Variants in GRID1 observed in about 807,000 individuals in gnomAD.
GRID1 encodes glutamate ionotropic receptor delta type subunit 1, also known as glutamate receptor ionotropic, delta-1.
GRID1 carries 28 observed loss-of-function variants against 98.0 expected under a neutral mutation model. The ratio of observed to expected loss-of-function variants is 0.29; its 90% CI spans 0.21 to 0.39. The LOEUF (loss-of-function observed/expected upper bound fraction) is 0.39. Among genes scored for constraint, GRID1 ranks in the 10% least tolerant of loss-of-function variants. GRID1 has a pLI of 1.00. For missense variants in GRID1, 1,111 were observed against 1,340.5 expected, an observed-to-expected ratio of 0.83 and a Z score of 2.67; for synonymous variants, 553 against 538.5, an observed-to-expected ratio of 1.03 and a Z score of -0.37.
rs183993171 is a variant in GRID1 at position 85,907,380 on chromosome 10, G to A, written c.780+8806C>T. Among the ~76,000 whole-genome samples the A allele has an allele frequency of 1.1e-3, 165 of 152,300 alleles. 1 individual carries two copies. Among genetic ancestry groups the A allele is most frequent in the African/African-American group, 3.8e-3 (156 of 41,560 alleles). On this transcript the variant is annotated intron_variant, in intron 5 of 15. Transcript: ENST00000327946. Reference sequence around the variant, plus strand: ...GCCTGCCTCGGCCTCCCAAAGTGCTGGGATTACAGGGGTGAGCCACCATGC... The same window carrying A: ...GCCTGCCTCGGCCTCCCAAAGTGCTAGGATTACAGGGGTGAGCCACCATGC...
At chr10:85,722,205 T>C (rs1016784070) in intron 12 of GRID1, among the ~76,000 whole-genome samples, 5 of 152,262 alleles carry the variant, frequency 3.3e-5, no homozygotes, top group South Asian at 2.1e-4. Context: ...ACCAATATGA[T>C]GACAGTGAGT....
In GRID1 at chr10:86,028,296, G is replaced by A. The variant is rs545219588; in HGVS notation, c.726+110523C>T. On this transcript the variant is annotated intron_variant, in intron 4 of 15. Transcript: ENST00000327946. ...CTTCCATCTTTGTATGCTGTTTGGG[G>A]GCAACTCTACCCCTTTCATTCTGGG... Among the ~76,000 whole-genome samples the A allele has an allele frequency of 2.0e-5, 3 of 152,268 alleles. No homozygotes were observed. In the South Asian group the frequency reaches 6.2e-4, roughly 32 times the overall value.
chr10:86,069,067 T>A (rs1308927358), intron 4 of GRID1, among the ~76,000 whole-genome samples: 1 of 152,022 alleles, frequency 6.6e-6, no homozygotes, highest in Admixed American at 6.5e-5. Context: ...ATATGCAGAC[T>A]GCTGGGGAAG....
chr10:85,684,321 A>G (rs1405276794), intron 12 of GRID1, among the ~76,000 whole-genome samples: 1 of 152,228 alleles, frequency 6.6e-6, no homozygotes, highest in Non-Finnish European at 1.5e-5. Context: ...ATGAAAAACT[A>G]CCAGCCAAAC....
At chr10:85,686,581 CCTA>C (rs1841271795) in intron 12 of GRID1, among the ~76,000 whole-genome samples, 1 of 151,984 alleles carries the variant, frequency 6.6e-6, no homozygotes, top group African/African-American at 2.4e-5. Context: ...TAGAAGATTT[CCTA>C]CTATTTGTAA....
At chr10:86,112,009 T>C (rs1323347166) in intron 4 of GRID1, among the ~76,000 whole-genome samples, 3 of 152,122 alleles carry the variant, frequency 2.0e-5, no homozygotes, top group Non-Finnish European at 4.4e-5. Context: ...AGGCCCAGAG[T>C]CCCACACTGG....
chr10:85,799,907 A>G (rs533305824), intron 8 of GRID1, among the ~76,000 whole-genome samples: 4 of 152,232 alleles, frequency 2.6e-5, no homozygotes, highest in African/African-American at 9.6e-5. Flanking sequence ...GTTTGAGGTA[A>G]TTAATATGCT....
chr10:85,743,157 C>T (rs914875227), intron 8 of GRID1, among the ~76,000 whole-genome samples: 1 of 136,014 alleles, frequency 7.4e-6, no homozygotes, highest in African/African-American at 2.6e-5. Context: ...AATCCAGCTG[C>T]CCGCAAAAAG....
At chr10:85,913,726 G>C (rs760636867) in intron 5 of GRID1, among the ~76,000 whole-genome samples, 16 of 152,124 alleles carry the variant, frequency 1.1e-4, no homozygotes, top group Admixed American at 2.6e-4. Flanking sequence ...GGAGGCAGAG[G>C]TTGCAGTGAG....
intron 8 of GRID1, among the ~76,000 whole-genome samples, chr10:85,769,544 A>C (rs1013171253): frequency 6.6e-6 from 1 of 152,204 alleles, no homozygotes; most frequent in Non-Finnish European, 1.5e-5. Flanking sequence ...CGGAAGTGCA[A>C]GGGGTCAGGG....
intron 5 of GRID1, among the ~76,000 whole-genome samples, chr10:85,885,973 C>A (rs896845298): frequency 3.9e-4 from 59 of 152,302 alleles, no homozygotes; most frequent in Non-Finnish European, 2.2e-4. Flanking sequence ...GAGACTCTTG[C>A]CCACTTCCTC....
At chr10:85,887,643 G>T (rs574283780) in intron 5 of GRID1, among the ~76,000 whole-genome samples, 1 of 152,170 alleles carries the variant, frequency 6.6e-6, no homozygotes, top group Non-Finnish European at 1.5e-5. Flanking sequence ...TGAGCGTAGG[G>T]TCTGAAATCA....
intron 2 of GRID1, among the ~76,000 whole-genome samples, chr10:86,337,209 A>G (rs1848234991): frequency 6.6e-6 from 1 of 152,164 alleles, no homozygotes; most frequent in Non-Finnish European, 1.5e-5. Flanking sequence ...CAAGCCAGCC[A>G]GCAGGAACGC....
intron 4 of GRID1, among the ~76,000 whole-genome samples, chr10:85,999,569 G>C (rs1482097906): frequency 6.6e-6 from 1 of 152,120 alleles, no homozygotes; most frequent in Non-Finnish European, 1.5e-5. Flanking sequence ...TTAAGAAAAT[G>C]TTAACTATTA....
intron 5 of GRID1, among the ~76,000 whole-genome samples, chr10:85,894,005 C>T (rs998807732): frequency 1.3e-5 from 2 of 152,112 alleles, no homozygotes; most frequent in Admixed American, 6.6e-5. Context: ...AAGGTGAAAA[C>T]GACGTTTCAA....
chr10:86,282,398 CAG>C (rs1208383502), intron 2 of GRID1, among the ~76,000 whole-genome samples: 1 of 152,154 alleles, frequency 6.6e-6, no homozygotes, highest in Non-Finnish European at 1.5e-5. Flanking sequence ...CCAGGGAAAT[CAG>C]AGGCAGGGAG....
At chr10:85,756,078 C>T (rs1016261504) in intron 8 of GRID1, among the ~76,000 whole-genome samples, 7 of 151,156 alleles carry the variant, frequency 4.6e-5, no homozygotes, top group African/African-American at 1.2e-4. Flanking sequence ...CAATACCCCC[C>T]CTAGTGGGAG....
chr10:86,199,777 T>A (rs2814318), intron 3 of GRID1, among the ~76,000 whole-genome samples: 45,457 of 151,980 alleles, frequency 0.3, 7,208 homozygotes, highest in East Asian at 0.48. Context: ...ACTCGGATCA[T>A]CATTCCTGAG....
At chr10:85,927,616 A>G (rs1841793524) in intron 4 of GRID1, among the ~76,000 whole-genome samples, 1 of 152,202 alleles carries the variant, frequency 6.6e-6, no homozygotes, top group African/African-American at 2.4e-5. Flanking sequence ...TTTCCCAGAA[A>G]CTTGTCAAAA....
Sources: gnomAD v4.1 joint callset for allele counts (sites outside exome capture counted in the v4.1 genomes callset) on GRCh38, gnomAD v4.1.1 for gene constraint, MANE v1.5 for transcripts, NCBI Gene and HGNC (gene_info 2026-07-23, HGNC 2026-07-21) for gene names.